Variants in UMODL1 observed in about 807,000 individuals in gnomAD.
UMODL1 encodes uromodulin like 1, also known as uromodulin-like 1.
A neutral mutation model predicts 136.3 loss-of-function variants in UMODL1; 128 were observed. The ratio of observed to expected loss-of-function variants is 0.94; its 90% CI spans 0.81 to 1.09. The LOEUF is 1.09. Ranked by LOEUF, UMODL1 falls within the 50% of genes least tolerant of loss-of-function variation. The pLI, the probability that UMODL1 is intolerant of heterozygous loss-of-function variation, is 0.00. For synonymous variants in UMODL1, 721 were observed against 720.0 expected, an observed-to-expected ratio of 1.00 and a Z score of -0.02; for missense variants, 1,766 against 1,725.6, an observed-to-expected ratio of 1.02 and a Z score of -0.41.
intron 21 of UMODL1, among the ~76,000 whole-genome samples, chr21:42,136,370 C>T (rs532302794): frequency 1.1e-4 from 16 of 152,362 alleles, no homozygotes; most frequent in Non-Finnish European, 2.2e-4. Flanking sequence ...CCTCCCCATC[C>T]ACCTTCCCCC....
intron 21 of UMODL1, among the ~76,000 whole-genome samples, chr21:42,133,951 C>G (rs1232467141): frequency 2.0e-5 from 3 of 151,698 alleles, no homozygotes; most frequent in South Asian, 4.2e-4. Flanking sequence ...CAGAGTCTCA[C>G]TCTATTGCCA....
intron 21 of UMODL1, among the ~76,000 whole-genome samples, chr21:42,135,528 C>G (rs781779812): frequency 6.6e-6 from 1 of 152,156 alleles, no homozygotes; most frequent in Non-Finnish European, 1.5e-5. Context: ...CCAGCAGGAG[C>G]GGGTCTCCTT....
At chr21:42,120,336 C>T (rs78747639) in intron 15 of UMODL1, among the ~76,000 whole-genome samples, 1,991 of 152,324 alleles carry the variant, frequency 0.013, 40 homozygotes, top group African/African-American at 0.043. Flanking sequence ...ATCAGCTCTA[C>T]GACTTTGTCC....
chr21:42,097,270 C>T (rs1601208319), intron 6 of UMODL1, among the ~76,000 whole-genome samples: 2 of 152,184 alleles, frequency 1.3e-5, no homozygotes, highest in East Asian at 3.9e-4. Flanking sequence ...GTCACTGATC[C>T]TGTCTGAGTG....
In UMODL1 at chr21:42,121,232, C is replaced by T. The variant is rs220150; in HGVS notation, c.2827+8C>T. On this transcript the variant is annotated splice_region_variant and intron_variant, in intron 16 of 22. Transcript: ENST00000408910. ...CTGAGAGACCCTGTGAAGGTAATGT[C>T]GTCAGAGTTTCTTCTTCTGGAATAC... 0.63 allele frequency: 1,013,267 copies of T among 1,602,636 alleles called. 321,999 individuals are homozygous for T. Among genetic ancestry groups the T allele is most frequent in the Middle Eastern group, 0.77 (4,605 of 5,992 alleles).
intron 21 of UMODL1, among the ~76,000 whole-genome samples, chr21:42,131,941 T>A (rs2067139529): frequency 6.6e-6 from 1 of 152,256 alleles, no homozygotes; most frequent in African/African-American, 2.4e-5. Context: ...CATTAATAGA[T>A]AATGTGTTCT....
At chr21:42,108,628 G>C (rs575964807) in intron 9 of UMODL1, 3 of 339,284 alleles carry the variant, frequency 8.8e-6, no homozygotes, top group African/African-American at 6.4e-5. Flanking sequence ...TCCACCCGCA[G>C]CTCTACAGAA....
At chr21:42,066,058 C>G (rs912667511) in intron 1 of UMODL1, among the ~76,000 whole-genome samples, 1 of 152,222 alleles carries the variant, frequency 6.6e-6, no homozygotes, top group African/African-American at 2.4e-5. Context: ...GGTGCTAATG[C>G]GGTTATCAAT....
chr21:42,138,038 A>G (rs73373679), intron 22 of UMODL1, among the ~76,000 whole-genome samples: 3,611 of 152,200 alleles, frequency 0.024, 131 homozygotes, highest in African/African-American at 0.079. Flanking sequence ...GACTGGCTCC[A>G]CGATACCAGC....
In UMODL1 at chr21:42,113,726, G is replaced by A; in HGVS notation, c.2258G>A (p.Ser753Asn). ...GTGGTCCTAGAGACCTGGAACACGA[G>A]TGTGACACTGTCGGGGCTGGAGCCT... ...PAVVLETWNT[S>N]VTLSGLEPGV... Residue 753 changes from serine to asparagine, a missense_variant, in exon 13 of 23, where the codon AGT (serine) becomes AAT (asparagine). Physicochemically the swap from Ser to Asn is conservative, Grantham distance 46. Coordinates refer to ENST00000408910, the MANE Select transcript of UMODL1 (RefSeq NM_001004416.3). 1.9e-6 allele frequency: 3 copies of A among 1,614,114 alleles called. No homozygotes were observed. Among genetic ancestry groups the A allele is most frequent in the Non-Finnish European group, 2.5e-6 (3 of 1,180,032 alleles).
rs1024705866 is a variant in UMODL1, at chr21:42,099,712, G to A, written c.1186+532G>A. On this transcript the variant is annotated intron_variant, in intron 7 of 22. Coordinates refer to ENST00000408910, the MANE Select transcript of UMODL1 (RefSeq NM_001004416.3). This position sits in a 1 kb window ranked among gnomAD's most constrained non-coding sequence, Gnocchi z 4.1. ...TTTTTTCTTTTTGAGACAGGGTCTC[G>A]CTCTGTCACCCAGGCTGGAGTGTAG... Among the ~76,000 whole-genome samples, 1 of 152,128 alleles carries A rather than the reference G, an allele frequency of 6.6e-6. No homozygotes were observed. The highest frequency in any genetic ancestry group is 2.4e-5 in the African/African-American group (1 of 41,406).
Position 42,085,255 on chromosome 21 carries a change from C to T in UMODL1, c.482-36C>T. ...GCAGCTTTTGTGACTTCAACCTGTC[C>T]TGGGTCCATAATCATCAGTGTTTTC... On this transcript the variant is annotated intron_variant, in intron 3 of 22. Coordinates refer to ENST00000408910, the MANE Select transcript of UMODL1 (RefSeq NM_001004416.3). The surrounding 1 kb of genome is among the most constrained non-coding windows in gnomAD (Gnocchi z 4.5). 1 of 1,608,692 alleles carries T rather than the reference C, an allele frequency of 6.2e-7. No individual in the cohort carries two copies. Among genetic ancestry groups the T allele is most frequent in the Non-Finnish European group, 8.5e-7 (1 of 1,176,636 alleles).
At chr21:42,132,526 TCATC>T (rs1196236382) in intron 21 of UMODL1, among the ~76,000 whole-genome samples, 5 of 151,658 alleles carry the variant, frequency 3.3e-5, no homozygotes, top group Admixed American at 2.6e-4. Context: ...ATCCCTTCAT[TCATC>T]CATCCATCCA....
At chr21:42,141,968 T>A (rs2067288182) in intron 22 of UMODL1, 128 bp from the exon 23 acceptor site, 1 of 152,272 alleles carries the variant, frequency 6.6e-6, no homozygotes, top group African/African-American at 2.4e-5. Context: ...TCTGTCCCTC[T>A]CCAGTAAACA....
chr21:42,135,829 G>A (rs187015839), intron 21 of UMODL1, among the ~76,000 whole-genome samples: 12 of 152,282 alleles, frequency 7.9e-5, no homozygotes, highest in African/African-American at 1.9e-4. Flanking sequence ...CCAGGGATCC[G>A]ACAGTGCCAT....
Position 42,136,936 on chromosome 21 carries a change from T to C in UMODL1, c.3776-503T>C, listed in dbSNP as rs572952871. ...CCATGCCCGGCTAATTTTTGTATTT[T>C]TAGTAGAGACGGGGTTTCACCATGT... On this transcript the variant is annotated intron_variant, in intron 21 of 22. Coordinates refer to ENST00000408910, the MANE Select transcript of UMODL1 (RefSeq NM_001004416.3). Among the ~76,000 whole-genome samples, 149 of 152,234 alleles carry C rather than the reference T, an allele frequency of 9.8e-4. 1 individual carries two copies. The highest frequency in any genetic ancestry group is 1.8e-3 in the Non-Finnish European group (122 of 68,014).
Position 42,113,671 on chromosome 21 carries a change from C to G in UMODL1, c.2203C>G (p.Leu735Val). 1 of 1,614,100 alleles carries G rather than the reference C, an allele frequency of 6.2e-7. No homozygotes were observed. The highest frequency in any genetic ancestry group is 1.1e-5 in the South Asian group (1 of 91,088). ...TCTTGCTATGGACTCCACCTTCCAG[C>G]TCACTCTGACTTCCATGTGGAGCCC... ...ADLAMDSTFQLTLTSMWSPAV... is the reference protein window; with the variant it reads ...ADLAMDSTFQVTLTSMWSPAV... The change falls in exon 13 of 23, where the codon CTC becomes GTC. Residue 735 changes from leucine (L) to valine (V), a missense_variant. By Grantham distance (32) the Leu-to-Val change is conservative. Coordinates refer to ENST00000408910, the MANE Select transcript of UMODL1 (RefSeq NM_001004416.3).
chr21:42,142,381 G>T lies in UMODL1; in HGVS notation c.*307G>T, dbSNP rs1426647701. 1 of 152,352 alleles carries T rather than the reference G, an allele frequency of 6.6e-6. No homozygotes were observed. The highest frequency in any genetic ancestry group is 1.5e-5 in the Non-Finnish European group (1 of 68,174). The allele number at this position is 152,352 out of a possible 1,614,324, so 9.4% of individuals were successfully genotyped here. A position where few individuals can be genotyped will look rare whatever the true frequency, so the allele number is the denominator to read the frequency against. ...GCGGAAGACGGGGGCAGTCCTGGGG[G>T]TGCTGCGGCTACACCACCACCCGCG... is the stretch of plus-strand genomic sequence containing the variant. On this transcript the variant is annotated 3_prime_UTR_variant, in exon 23 of 23. Transcript: ENST00000408910.
rs949905371 is a variant in UMODL1, at chr21:42,115,888, T to C, written c.2378T>C (p.Ile793Thr). ...LKVRTAARKL[I>T]GKVRIKNVRY... ...CATCCTGCAGCAGCCCGGAAGCTCA[T>C]TGGAAAGGTCAGAATCAAAAATGTC... Residue 793 changes from isoleucine to threonine, a missense_variant, in exon 14 of 23, where the codon ATT (isoleucine) becomes ACT (threonine). Ile to Thr is a moderately conservative substitution (Grantham distance 89, BLOSUM62 -1). Coordinates refer to ENST00000408910, the MANE Select transcript of UMODL1 (RefSeq NM_001004416.3). The C allele has an allele frequency of 7.4e-6, 12 of 1,613,934 alleles. No homozygotes were observed. Among genetic ancestry groups the C allele is most frequent in the East Asian group, 4.5e-5 (2 of 44,886 alleles).
Sources: gnomAD v4.1 joint callset for allele counts (sites outside exome capture counted in the v4.1 genomes callset) on GRCh38, gnomAD v4.1.1 for gene constraint, Gnocchi (gnomAD v3.1) non-coding constraint, MANE v1.5 for transcripts, NCBI Gene and HGNC (gene_info 2026-07-23, HGNC 2026-07-21) for gene names.